The following PTPRD variants were observed in gnomAD, a reference collection of about 807,000 sequenced individuals.
PTPRD encodes the protein receptor-type tyrosine-protein phosphatase delta.
In PTPRD, 34 loss-of-function variants were observed where a neutral mutation model predicts 214.5. That is an observed-to-expected ratio of 0.16 (90% CI 0.12 to 0.21). The LOEUF (loss-of-function observed/expected upper bound fraction) is 0.21, where lower values mean the gene tolerates loss of function less well. Ranked by LOEUF, PTPRD falls within the 10% of genes least tolerant of loss-of-function variation. The pLI is 1.00. For missense variants in PTPRD, 2,545 were observed against 2,398.7 expected, an observed-to-expected ratio of 1.06 and a Z score of -1.27; for synonymous variants, 1,128 against 845.7, an observed-to-expected ratio of 1.33 and a Z score of -5.79.
At chr9:10,357,263 T>G (rs1487728964) in intron 2 of PTPRD, among the ~76,000 whole-genome samples, 2 of 152,188 alleles carry the variant, frequency 1.3e-5, no homozygotes, top group Admixed American at 1.3e-4. Flanking sequence ...TATATTAGAT[T>G]TTTCTGTGTT....
At chr9:8,494,367 A>G (rs1250427374) in intron 26 of PTPRD, among the ~76,000 whole-genome samples, 1 of 152,190 alleles carries the variant, frequency 6.6e-6, no homozygotes, top group African/African-American at 2.4e-5. Flanking sequence ...CTGCCAGATA[A>G]ATGGACTATT....
chr9:8,411,264 T>G (rs1379486326), intron 35 of PTPRD, among the ~76,000 whole-genome samples: 1 of 151,916 alleles, frequency 6.6e-6, no homozygotes, highest in African/African-American at 2.4e-5. Context: ...ATAACTAGAT[T>G]TTTTACTATA....
chr9:8,984,327 G>T (rs1393521688), intron 11 of PTPRD, among the ~76,000 whole-genome samples: 1 of 151,950 alleles, frequency 6.6e-6, no homozygotes, highest in Admixed American at 6.6e-5. Context: ...GAAAGGTAAA[G>T]AACAGAAATG....
rs538410411 is a variant in PTPRD at position 9,185,053 on chromosome 9, A to T, written c.-202-1690T>A. On this transcript the variant is annotated intron_variant, in intron 9 of 45. Coordinates refer to ENST00000381196, the MANE Select transcript of PTPRD (RefSeq NM_002839.4). ...TTTGTGGGTTTTAGGTAAGACGCTG[A>T]GAGCATTGCACAACCTTAGTCAGAA... 7.9e-5 allele frequency among the ~76,000 whole-genome samples: 12 copies of T among 152,178 alleles called. No individual in the cohort carries two copies. In the South Asian group the frequency reaches 2.5e-3, roughly 32 times the overall value.
At chr9:10,145,686 T>C (rs1326289012) in intron 3 of PTPRD, among the ~76,000 whole-genome samples, 1 of 149,392 alleles carries the variant, frequency 6.7e-6, no homozygotes, top group Admixed American at 6.8e-5. Context: ...CATTAACCTC[T>C]GCATTGTACA....
intron 9 of PTPRD, among the ~76,000 whole-genome samples, chr9:9,318,723 C>G (rs1964774321): frequency 6.6e-6 from 1 of 152,128 alleles, no homozygotes; most frequent in Admixed American, 6.6e-5. Flanking sequence ...AGACAACATC[C>G]AGACAGTTGT....
intron 6 of PTPRD, among the ~76,000 whole-genome samples, chr9:9,746,040 T>C (rs571212501): frequency 6.6e-6 from 1 of 152,258 alleles, no homozygotes; most frequent in Admixed American, 6.5e-5. Flanking sequence ...ATGAGTACTC[T>C]AGTATGAGAA....
chr9:10,449,092 C>T (rs1227624763), intron 2 of PTPRD, among the ~76,000 whole-genome samples: 3 of 152,058 alleles, frequency 2.0e-5, no homozygotes, highest in Non-Finnish European at 2.9e-5. Flanking sequence ...GATGCCCAGC[C>T]GAGGCTGGAC....
chr9:9,310,830 A>C (rs559008102), intron 9 of PTPRD, among the ~76,000 whole-genome samples: 1 of 152,052 alleles, frequency 6.6e-6, no homozygotes, highest in East Asian at 1.9e-4. Context: ...AGGCAGTAGA[A>C]TCTCTTGAAC....
chr9:10,368,722 T>C lies in PTPRD; in HGVS notation c.-599-27705A>G, dbSNP rs541764304. Among the ~76,000 whole-genome samples the C allele has an allele frequency of 5.9e-5, 9 of 152,232 alleles. No individual in the cohort carries two copies. In the South Asian group the frequency reaches 1.0e-3, roughly 18 times the overall value. On this transcript the variant is annotated intron_variant, in intron 2 of 45. Coordinates refer to ENST00000381196, the MANE Select transcript of PTPRD (RefSeq NM_002839.4). ...TGATCAAGTCTAGCATAATCTTTTC[T>C]TAAACATATGATGATGTTAATATTA...
chr9:9,387,922 T>C (rs1330101188), intron 9 of PTPRD, among the ~76,000 whole-genome samples: 3 of 152,180 alleles, frequency 2.0e-5, no homozygotes, highest in African/African-American at 7.2e-5. Flanking sequence ...TACAGGGTGC[T>C]CTTTTAGTTT....
chr9:9,996,528 G>A (rs188380039), intron 4 of PTPRD, among the ~76,000 whole-genome samples: 2 of 152,280 alleles, frequency 1.3e-5, no homozygotes, highest in African/African-American at 4.8e-5. Context: ...ACTGACCTGA[G>A]GGTCCCTAAT....
intron 3 of PTPRD, among the ~76,000 whole-genome samples, chr9:10,167,028 G>C (rs2099163327): frequency 6.6e-6 from 1 of 151,846 alleles, no homozygotes; most frequent in Non-Finnish European, 1.5e-5. Flanking sequence ...TTTCAGAATT[G>C]TTATTAAGCA....
At position 10,600,744 on chromosome 9, in the gene PTPRD, C is replaced by T. The variant is rs2077755437; in HGVS notation, c.-600+11654G>A. 2.0e-5 allele frequency among the ~76,000 whole-genome samples: 3 copies of T among 151,698 alleles called. No homozygotes were observed. The South Asian group carries it at 6.2e-4, about 31-fold the overall frequency. On this transcript the variant is annotated intron_variant, in intron 2 of 45. Transcript: ENST00000381196. ...AGGTGGTTCATCATGAGCAAATCCA[C>T]AAAAACAGAGGTCCCTCAAAAGTTG...
At chr9:9,041,951 G>C (rs2099641225) in intron 10 of PTPRD, among the ~76,000 whole-genome samples, 1 of 152,122 alleles carries the variant, frequency 6.6e-6, no homozygotes, top group South Asian at 2.1e-4. Flanking sequence ...CCTTTGTCTT[G>C]GCAGAAAACG....
chr9:9,675,414 A>T (rs1468788647), intron 7 of PTPRD, among the ~76,000 whole-genome samples: 1 of 151,850 alleles, frequency 6.6e-6, no homozygotes, highest in Admixed American at 6.6e-5. Context: ...AGAAATAAAT[A>T]GAAAACAATA....
At chr9:9,663,676 C>A (rs537412135) in intron 7 of PTPRD, among the ~76,000 whole-genome samples, 3 of 151,554 alleles carry the variant, frequency 2.0e-5, no homozygotes, top group Non-Finnish European at 4.4e-5. Context: ...ATCACTAACA[C>A]CTGAATTTGA....
chr9:10,459,662 C>G (rs984933547), intron 2 of PTPRD, among the ~76,000 whole-genome samples: 4 of 147,112 alleles, frequency 2.7e-5, no homozygotes, highest in African/African-American at 9.9e-5. Flanking sequence ...TGATGAAGAG[C>G]TTTTTTTTTT....
At chr9:10,578,282 T>G (rs181705073) in intron 2 of PTPRD, among the ~76,000 whole-genome samples, 309 of 152,274 alleles carry the variant, frequency 2.0e-3, no homozygotes, top group African/African-American at 7.2e-3. Flanking sequence ...ATGCACAGAT[T>G]ATAATGATTT....
Sources: gnomAD v4.1 joint callset for allele counts (sites outside exome capture counted in the v4.1 genomes callset) on GRCh38, gnomAD v4.1.1 for gene constraint, MANE v1.5 for transcripts, NCBI Gene and HGNC (gene_info 2026-07-23, HGNC 2026-07-21) for gene names.